Variants in LTBP1 observed in about 807,000 individuals in gnomAD.
LTBP1 encodes latent-transforming growth factor beta-binding protein 1.
LTBP1 carries 129 observed loss-of-function variants against 207.6 expected under a neutral mutation model. The observed-to-expected ratio is 0.62, with a 90% CI of 0.54 to 0.72. The LOEUF (loss-of-function observed/expected upper bound fraction) is 0.72, where lower values mean the gene tolerates loss of function less well. Ranked by LOEUF, LTBP1 falls within the 30% of genes least tolerant of loss-of-function variation. The pLI is 0.00. For missense variants in LTBP1, 2,281 were observed against 2,217.2 expected (o/e 1.03, Z -0.58); for synonymous variants, 963 against 833.7 (o/e 1.16, Z -2.67).
At chr2:33,162,268 A>G (rs1021666399) in intron 5 of LTBP1, among the ~76,000 whole-genome samples, 1 of 152,256 alleles carries the variant, frequency 6.6e-6, no homozygotes, top group African/African-American at 2.4e-5. Context: ...TACATAATAA[A>G]TGCCACAGTG....
At chr2:33,224,773 A>G (rs1223799547) in intron 9 of LTBP1, among the ~76,000 whole-genome samples, 1 of 152,068 alleles carries the variant, frequency 6.6e-6, no homozygotes, top group Non-Finnish European at 1.5e-5. Flanking sequence ...CATCCCTTTT[A>G]GTTATATTGC....
chr2:33,099,675 C>A (rs2079600150), intron 3 of LTBP1, among the ~76,000 whole-genome samples: 1 of 152,114 alleles, frequency 6.6e-6, no homozygotes, highest in Non-Finnish European at 1.5e-5. Flanking sequence ...TTTCCCAGAT[C>A]CTGTGTAGTA....
At chr2:33,141,987 G>A (rs1483198312) in intron 5 of LTBP1, among the ~76,000 whole-genome samples, 1 of 152,144 alleles carries the variant, frequency 6.6e-6, no homozygotes, top group East Asian at 1.9e-4. Context: ...GAGTCTTGGT[G>A]ATTTATAATA....
intron 22 of LTBP1, among the ~76,000 whole-genome samples, chr2:33,302,990 C>A (rs894437865): frequency 1.5e-4 from 23 of 148,510 alleles, no homozygotes; most frequent in Non-Finnish European, 2.6e-4. Flanking sequence ...CACACAAACA[C>A]ACACAAACAC....
At chr2:33,087,279 G>C (rs144264613) in intron 3 of LTBP1, among the ~76,000 whole-genome samples, 2 of 151,798 alleles carry the variant, frequency 1.3e-5, no homozygotes, top group Non-Finnish European at 2.9e-5. Context: ...TGTCTCCCAG[G>C]CTAATCTTGA....
At chr2:33,283,701 G>A (rs1292651236) in intron 19 of LTBP1, among the ~76,000 whole-genome samples, 1 of 152,148 alleles carries the variant, frequency 6.6e-6, no homozygotes, top group Non-Finnish European at 1.5e-5. Context: ...CTCCCAAAGT[G>A]CTGGGATTAC....
At chr2:32,964,595 C>A (rs946695524) in intron 2 of LTBP1, among the ~76,000 whole-genome samples, 7 of 151,846 alleles carry the variant, frequency 4.6e-5, no homozygotes, top group Admixed American at 2.6e-4. Context: ...AATATGTTAA[C>A]TTTTGATGAA....
intron 3 of LTBP1, among the ~76,000 whole-genome samples, chr2:33,091,266 T>C (rs919803474): frequency 2.0e-5 from 3 of 152,198 alleles, no homozygotes; most frequent in African/African-American, 7.2e-5. Context: ...TCTGGTAGCC[T>C]CTGGTCCTGT....
chr2:32,954,961 C>T (rs763280920), intron 2 of LTBP1, among the ~76,000 whole-genome samples: 1 of 152,162 alleles, frequency 6.6e-6, no homozygotes, highest in Non-Finnish European at 1.5e-5. Context: ...TTTACTGGGG[C>T]TCTTTTAAAG....
At chr2:33,020,189 C>T (rs2075094637) in intron 2 of LTBP1, among the ~76,000 whole-genome samples, 1 of 152,126 alleles carries the variant, frequency 6.6e-6, no homozygotes, top group Non-Finnish European at 1.5e-5. Flanking sequence ...GGGCGACTCT[C>T]AACCTTTCTG....
intron 2 of LTBP1, among the ~76,000 whole-genome samples, chr2:32,969,873 T>G (rs1377615686): frequency 6.6e-6 from 1 of 152,216 alleles, no homozygotes; most frequent in Non-Finnish European, 1.5e-5. Context: ...GCTGAACTAA[T>G]TTACATTCCC....
rs115650275 is a variant in LTBP1, at chr2:33,102,947, C to T, written c.864-7635C>T. Among the ~76,000 whole-genome samples, 838 of 151,144 alleles carry T rather than the reference C, an allele frequency of 5.5e-3. 7 individuals are homozygous for T. Among genetic ancestry groups the T allele is most frequent in the African/African-American group, 0.019 (785 of 41,078 alleles). On this transcript the variant is annotated intron_variant, in intron 3 of 33. Coordinates refer to ENST00000404816, the MANE Select transcript of LTBP1 (RefSeq NM_206943.4). Reference sequence around the variant, plus strand: ...ACAGTCTGTATGCTGTATTCATTGTCGGCATAGTCTGTATGCTGTATGCAC... The same window carrying T: ...ACAGTCTGTATGCTGTATTCATTGTTGGCATAGTCTGTATGCTGTATGCAC...
chr2:33,106,390 TC>T (rs1322903194), intron 3 of LTBP1, among the ~76,000 whole-genome samples: 1 of 152,200 alleles, frequency 6.6e-6, no homozygotes, highest in Non-Finnish European at 1.5e-5. Context: ...TTTGCCCAGA[TC>T]CATCAGAGGA....
At chr2:32,996,578 G>T (rs1185957068) in intron 2 of LTBP1, among the ~76,000 whole-genome samples, 2 of 152,156 alleles carry the variant, frequency 1.3e-5, no homozygotes, top group Non-Finnish European at 2.9e-5. Context: ...CATCTACTAT[G>T]TACAAAGTAG....
intron 31 of LTBP1, among the ~76,000 whole-genome samples, chr2:33,370,569 C>T (rs985980637): frequency 6.6e-6 from 1 of 152,162 alleles, no homozygotes; most frequent in African/African-American, 2.4e-5. Flanking sequence ...TTGTTAAAAC[C>T]TACGTTAATG....
intron 31 of LTBP1, among the ~76,000 whole-genome samples, chr2:33,373,701 C>T (rs1574063114): frequency 6.6e-6 from 1 of 151,922 alleles, no homozygotes; most frequent in East Asian, 1.9e-4. Flanking sequence ...TTATAACTTA[C>T]CTGTTTTCAG....
At chr2:33,341,232 T>C (rs1351957101) in intron 24 of LTBP1, among the ~76,000 whole-genome samples, 2 of 151,894 alleles carry the variant, frequency 1.3e-5, no homozygotes, top group Non-Finnish European at 2.9e-5. Context: ...TTTCAAGCAA[T>C]TTTAACATTT....
intron 9 of LTBP1, among the ~76,000 whole-genome samples, chr2:33,233,726 A>T (rs1342873899): frequency 6.6e-6 from 1 of 151,968 alleles, no homozygotes; most frequent in African/African-American, 2.4e-5. Context: ...TCTTTTTATG[A>T]TACTGTTTGC....
intron 5 of LTBP1, among the ~76,000 whole-genome samples, chr2:33,176,152 T>C (rs1299480757): frequency 2.6e-5 from 4 of 151,696 alleles, no homozygotes; most frequent in Admixed American, 2.0e-4. Flanking sequence ...GCTTAAAGTA[T>C]AATAATAATA....
Sources: gnomAD v4.1 joint callset for allele counts (sites outside exome capture counted in the v4.1 genomes callset) on GRCh38, gnomAD v4.1.1 for gene constraint, MANE v1.5 for transcripts, NCBI Gene and HGNC (gene_info 2026-07-23, HGNC 2026-07-21) for gene names.